FAT3: variants seen among roughly 807,000 people sequenced by gnomAD.
FAT3 encodes protocadherin Fat 3.
A neutral mutation model predicts 310.2 loss-of-function variants in FAT3; 95 were observed. The observed-to-expected ratio is 0.31, with a 90% confidence interval of 0.26 to 0.36. The LOEUF (loss-of-function observed/expected upper bound fraction) is 0.36, where lower values mean the gene tolerates loss of function less well. Ranked by LOEUF, FAT3 falls within the 10% of genes least tolerant of loss-of-function variation. FAT3 has a pLI of 1.00. For missense variants in FAT3, 5,408 were observed against 5,715.6 expected (o/e 0.95, Z 1.74); for synonymous variants, 2,314 against 2,192.9 (o/e 1.06, Z -1.54).
Position 92,302,643 on chromosome 11 carries a change from A to AT in FAT3, c.-17-49444dup, listed in dbSNP as rs999031321. Among the ~76,000 whole-genome samples, 483 of 151,504 alleles carry AT rather than the reference A, an allele frequency of 3.2e-3. 4 individuals carry two copies. The highest frequency in any genetic ancestry group is 0.01 in the African/African-American group (419 of 41,310). On this transcript the variant is annotated intron_variant, in intron 1 of 27. Coordinates refer to ENST00000525166, the MANE Select transcript of FAT3 (RefSeq NM_001367949.2). Reference sequence around the variant, plus strand: ...ACAAACAGTTTCTGCATTTATAAACATTTTTTTTTCATACTGGCAGAAAAA... The same window carrying AT: ...ACAAACAGTTTCTGCATTTATAAACATTTTTTTTTTCATACTGGCAGAAAAA...
chr11:92,334,932 T>A (rs746369649), intron 1 of FAT3, among the ~76,000 whole-genome samples: 23 of 152,166 alleles, frequency 1.5e-4, no homozygotes, highest in Non-Finnish European at 2.6e-4. Context: ...CACCATTGAT[T>A]ATACCTGTGG....
intron 2 of FAT3, among the ~76,000 whole-genome samples, chr11:92,429,322 A>G (rs1477824075): frequency 6.6e-6 from 1 of 151,922 alleles, no homozygotes; most frequent in South Asian, 2.1e-4. Context: ...ATGGGACTTA[A>G]CTCTTTATAC....
chr11:92,817,930 G>A (rs757639403), intron 13 of FAT3, among the ~76,000 whole-genome samples: 2 of 152,166 alleles, frequency 1.3e-5, no homozygotes, highest in Non-Finnish European at 2.9e-5. Flanking sequence ...GGTGACAAAA[G>A]TCCACTGGAA....
chr11:92,360,604 G>A (rs1047450127), intron 2 of FAT3, among the ~76,000 whole-genome samples: 1 of 152,146 alleles, frequency 6.6e-6, no homozygotes. Flanking sequence ...GTACAAACTT[G>A]ATCAATGGTT....
At chr11:92,412,702 GATAT>G (rs758587642) in intron 2 of FAT3, among the ~76,000 whole-genome samples, 51 of 13,466 alleles carry the variant, frequency 3.8e-3, no homozygotes, top group South Asian at 0.013. Context: ...TGATGGTGGT[GATAT>G]ATATATATAT....
In FAT3 at chr11:92,805,361, G is replaced by T. The variant is rs749663812; in HGVS notation, c.9093+12G>T. 6.2e-7 allele frequency: 1 copy of T among 1,606,874 alleles called. No individual in the cohort carries two copies. The highest frequency in any genetic ancestry group is 8.5e-7 in the Non-Finnish European group (1 of 1,175,676). On this transcript the variant is annotated intron_variant, in intron 11 of 27. Coordinates refer to ENST00000525166, the MANE Select transcript of FAT3 (RefSeq NM_001367949.2). ...CAGTGTGTGATCAGGTGAGATTTGG[G>T]GATAGGGTTCTGCTTTTACTCTGCT...
intron 1 of FAT3, among the ~76,000 whole-genome samples, 37 bp downstream of exon 1, chr11:92,225,211 T>TGGTGCACCGACTGG (rs1863851022): frequency 6.6e-6 from 1 of 152,122 alleles, no homozygotes; most frequent in African/African-American, 2.4e-5. Context: ...TTTGGCTGCC[T>TGGTGCACCGACTGG]GGTGCACCGA....
intron 1 of FAT3, among the ~76,000 whole-genome samples, chr11:92,315,512 T>TATAGAGAGAGAGAG (rs1353970811): frequency 1.8e-4 from 10 of 56,176 alleles, no homozygotes; most frequent in Admixed American, 2.4e-4. Flanking sequence ...TATATATATA[T>TATAGAGAGAGAGAG]AGAGAGAGAG....
At chr11:92,537,248 A>G (rs985024345) in intron 3 of FAT3, among the ~76,000 whole-genome samples, 1 of 152,102 alleles carries the variant, frequency 6.6e-6, no homozygotes, top group Non-Finnish European at 1.5e-5. Flanking sequence ...ATATATGAGA[A>G]TGGTATTGAA....
At chr11:92,580,802 T>C (rs561153313) in intron 3 of FAT3, among the ~76,000 whole-genome samples, 2 of 152,226 alleles carry the variant, frequency 1.3e-5, no homozygotes, top group South Asian at 4.1e-4. Flanking sequence ...GATATGTGGC[T>C]GAATTCCTGC....
At chr11:92,702,708 T>C (rs1944139638) in intron 4 of FAT3, among the ~76,000 whole-genome samples, 1 of 152,212 alleles carries the variant, frequency 6.6e-6, no homozygotes, top group African/African-American at 2.4e-5. Flanking sequence ...AATAATCCTA[T>C]AGTCCTGGCT....
chr11:92,649,017 A>G (rs1942271975), intron 3 of FAT3, among the ~76,000 whole-genome samples: 1 of 152,016 alleles, frequency 6.6e-6, no homozygotes, highest in Non-Finnish European at 1.5e-5. Flanking sequence ...TGCTCCATTT[A>G]TCTTTATAAT....
chr11:92,890,139 C>T (rs1565683383), intron 27 of FAT3, among the ~76,000 whole-genome samples: 1 of 152,204 alleles, frequency 6.6e-6, no homozygotes, highest in Non-Finnish European at 1.5e-5. Flanking sequence ...GCTGATGGAC[C>T]TCTCTGCAAG....
intron 2 of FAT3, among the ~76,000 whole-genome samples, chr11:92,487,580 A>G (rs1191376136): frequency 1.3e-5 from 2 of 152,168 alleles, no homozygotes; most frequent in African/African-American, 4.8e-5. Context: ...AACTCTAAAA[A>G]GTAGGTTCCT....
At chr11:92,820,008 TACTG>T (rs1483776903) in intron 13 of FAT3, among the ~76,000 whole-genome samples, 1 of 152,168 alleles carries the variant, frequency 6.6e-6, no homozygotes, top group African/African-American at 2.4e-5. Flanking sequence ...GGGCTGGACT[TACTG>T]ACTCACATCT....
intron 2 of FAT3, among the ~76,000 whole-genome samples, chr11:92,415,076 G>A (rs1315453925): frequency 1.3e-5 from 2 of 151,896 alleles, no homozygotes; most frequent in Admixed American, 6.6e-5. Flanking sequence ...TAATATTTCT[G>A]CAGTGACATC....
chr11:92,328,611 C>T (rs1947825616), intron 1 of FAT3, among the ~76,000 whole-genome samples: 1 of 152,190 alleles, frequency 6.6e-6, no homozygotes, highest in African/African-American at 2.4e-5. Context: ...AATGCTCTGG[C>T]TTCTGTAAGA....
chr11:92,366,679 T>C, intron 2 of FAT3: 1 of 535,438 alleles, frequency 1.9e-6, no homozygotes, highest in Admixed American at 1.9e-5. Flanking sequence ...TGACAATGGT[T>C]GGAAGGCTGT....
rs368216314 is a variant in FAT3, at chr11:92,354,866, A to G, written c.2754A>G (p.Ser918=). 3.1e-6 allele frequency: 5 copies of G among 1,613,790 alleles called. No individual in the cohort carries two copies. The highest frequency in any genetic ancestry group is 3.4e-6 in the Non-Finnish European group (4 of 1,179,876). ...CAGAGAGTGGTCAGCAGCTGTTTTC[A>G]GTTGTCACTCTTAAAGTTTTTTTAG... is the stretch of plus-strand genomic sequence containing the variant. ...DKAESGQQLF[S]VVTLKVFLDD... The change falls in exon 2 of 28, where the codon TCA becomes TCG. Residue 918 remains serine (S), a synonymous_variant. Transcript: ENST00000525166.
Sources: allele counts gnomAD v4.1 joint callset (sites outside exome capture counted in the v4.1 genomes callset), GRCh38; gene constraint gnomAD v4.1.1; transcripts MANE v1.5; gene names NCBI Gene and HGNC (gene_info 2026-07-23, HGNC 2026-07-21).